The following BICDL1 variants were observed in gnomAD, a reference collection of about 807,000 sequenced individuals.
BICDL1 encodes BICD family like cargo adaptor 1, also known as BICD family-like cargo adapter 1.
In BICDL1, 20 loss-of-function variants were observed where a neutral mutation model predicts 76.8. The ratio of observed to expected loss-of-function variants is 0.26; its 90% confidence interval spans 0.18 to 0.38. The LOEUF (loss-of-function observed/expected upper bound fraction) is 0.38, where lower values mean the gene tolerates loss of function less well. Among genes scored for constraint, BICDL1 ranks in the 10% least tolerant of loss-of-function variants. The pLI, the probability that BICDL1 is intolerant of heterozygous loss-of-function variation, is 1.00. For missense variants in BICDL1, 700 were observed against 798.6 expected, an observed-to-expected ratio of 0.88 and a Z score of 1.49; for synonymous variants, 383 against 337.1, an observed-to-expected ratio of 1.14 and a Z score of -1.49.
At chr12:120,056,195 T>G (rs1361573165) in intron 2 of BICDL1, among the ~76,000 whole-genome samples, 1 of 152,236 alleles carries the variant, frequency 6.6e-6, no homozygotes, top group Non-Finnish European at 1.5e-5. Flanking sequence ...TTCAGTTTTC[T>G]TTACTTTTTT....
intron 1 of BICDL1, among the ~76,000 whole-genome samples, chr12:119,997,943 A>C (rs959296376): frequency 1.3e-5 from 2 of 152,108 alleles, no homozygotes; most frequent in African/African-American, 4.8e-5. Flanking sequence ...GTAAAACCCC[A>C]TCTCTACTGA....
chr12:120,025,809 T>G (rs1006824742), intron 2 of BICDL1, among the ~76,000 whole-genome samples: 24 of 152,294 alleles, frequency 1.6e-4, no homozygotes, highest in African/African-American at 4.8e-4. Context: ...TATATATTTC[T>G]ATATATACCA....
rs913424570 is a variant in BICDL1 at position 120,033,405 on chromosome 12, C to A, written c.646-28305C>A. On this transcript the variant is annotated intron_variant, in intron 2 of 9. Transcript: ENST00000548673. Reference sequence around the variant, plus strand: ...TTTTTTTTTGTGGGGGAGATGGAGTCTCACTCTGTCGTCCAGGCTGGAGTG... The same window carrying A: ...TTTTTTTTTGTGGGGGAGATGGAGTATCACTCTGTCGTCCAGGCTGGAGTG... Among the ~76,000 whole-genome samples, 15 of 83,944 alleles carry A rather than the reference C, an allele frequency of 1.8e-4. 1 individual carries two copies. The highest frequency in any genetic ancestry group is 1.1e-3 in the African/African-American group (14 of 12,516). The allele number at this position is 83,944 out of a possible 152,430, so 55.1% of individuals were successfully genotyped here.
intron 9 of BICDL1, chr12:120,090,309 C>T (rs996901706): frequency 2.0e-4 from 92 of 457,442 alleles, no homozygotes; most frequent in African/African-American, 1.6e-3. Flanking sequence ...GTAGTGATCT[C>T]CAGACTTGGA....
chr12:120,033,890 C>A (rs899204939), intron 2 of BICDL1, among the ~76,000 whole-genome samples: 1 of 152,144 alleles, frequency 6.6e-6, no homozygotes, highest in African/African-American at 2.4e-5. Flanking sequence ...CCTCTGTCAC[C>A]AGTGCTGAGA....
chr12:120,032,020 A>G (rs925370270), intron 2 of BICDL1, among the ~76,000 whole-genome samples: 3 of 152,124 alleles, frequency 2.0e-5, no homozygotes, highest in South Asian at 2.1e-4. Flanking sequence ...TGAGCCCAGG[A>G]GTTTGAGGCT....
intron 9 of BICDL1, 58 bp from the exon 10 acceptor site, chr12:120,092,942 C>T: frequency 2.0e-6 from 3 of 1,494,546 alleles, no homozygotes; most frequent in Non-Finnish European, 2.7e-6. Context: ...CCTGTCCAGC[C>T]CCAGGGTTAG....
At chr12:120,053,936 G>A (rs951732621) in intron 2 of BICDL1, among the ~76,000 whole-genome samples, 2 of 152,092 alleles carry the variant, frequency 1.3e-5, no homozygotes, top group African/African-American at 4.8e-5. Context: ...ACTTTGAGGG[G>A]CCAAGGTGGG....
Position 120,061,767 on chromosome 12 carries a change from C to T in BICDL1, c.703C>T (p.Arg235Trp), listed in dbSNP as rs779640650. ...MQVHALREDF[R>W]EKNSSTNQHI... ...GGTCCACGCCCTCAGAGAAGACTTT[C>T]GGGAGAAAAACTCATCAACCAACCA... is the stretch of plus-strand genomic sequence containing the variant. The change falls in exon 3 of 10, where the codon CGG (arginine) becomes TGG (tryptophan). Residue 235 changes from arginine to tryptophan, a missense_variant. Physicochemically the swap from Arg to Trp is moderately radical, Grantham distance 101. Transcript: ENST00000548673. 8.1e-6 allele frequency: 13 copies of T among 1,614,140 alleles called. No homozygotes were observed. Among genetic ancestry groups the T allele is most frequent in the Admixed American group, 5.0e-5 (3 of 60,030 alleles).
Position 119,989,868 on chromosome 12 carries a change from C to G in BICDL1, c.-1C>G. ...CGCTGCGGGCTCCGCGCGCGCGGGC[C>G]ATGTCCGCTTTCTGCCTGGGCTTGG... On this transcript the variant is annotated 5_prime_UTR_variant, in exon 1 of 10. Coordinates refer to ENST00000548673, the MANE Select transcript of BICDL1 (RefSeq NM_001367886.1). The G allele has an allele frequency of 7.1e-7, 1 of 1,402,022 alleles. No homozygotes were observed. Among genetic ancestry groups the G allele is most frequent in the Non-Finnish European group, 9.2e-7 (1 of 1,090,226 alleles). 86.8% of individuals were successfully genotyped at this position (1,402,022 alleles called of 1,614,324 possible).
chr12:120,038,198 C>G (rs2138792765), intron 2 of BICDL1, among the ~76,000 whole-genome samples: 1 of 152,294 alleles, frequency 6.6e-6, no homozygotes, highest in South Asian at 2.1e-4. Context: ...AACCCGTTTT[C>G]CATCAAGACA....
chr12:120,044,986 A>G (rs1191233992), intron 2 of BICDL1, among the ~76,000 whole-genome samples: 1 of 152,192 alleles, frequency 6.6e-6, no homozygotes, highest in African/African-American at 2.4e-5. Context: ...GAAACAGGCA[A>G]CCTACAAAAC....
chr12:120,004,013 T>G (rs182952424), intron 2 of BICDL1, among the ~76,000 whole-genome samples: 1 of 152,266 alleles, frequency 6.6e-6, no homozygotes, highest in East Asian at 1.9e-4. Flanking sequence ...TGGTCTGTAG[T>G]ATGGAGAAGG....
At chr12:120,017,153 C>A (rs1594119759) in intron 2 of BICDL1, among the ~76,000 whole-genome samples, 1 of 152,234 alleles carries the variant, frequency 6.6e-6, no homozygotes, top group Non-Finnish European at 1.5e-5. Flanking sequence ...GCCCTGGCCT[C>A]CCAAAGTGCT....
intron 2 of BICDL1, among the ~76,000 whole-genome samples, chr12:120,007,093 A>G (rs1951865156): frequency 6.6e-6 from 1 of 152,188 alleles, no homozygotes; most frequent in South Asian, 2.1e-4. Flanking sequence ...GAAAAAAAAT[A>G]ATCAAAAATG....
chr12:120,018,705 T>A (rs965839399), intron 2 of BICDL1, among the ~76,000 whole-genome samples: 1 of 138,310 alleles, frequency 7.2e-6, no homozygotes, highest in Non-Finnish European at 1.6e-5. Flanking sequence ...AAAAAAAAAA[T>A]CATACTATAT....
chr12:120,055,976 C>G (rs1952963330), intron 2 of BICDL1, among the ~76,000 whole-genome samples: 1 of 152,028 alleles, frequency 6.6e-6, no homozygotes, highest in Non-Finnish European at 1.5e-5. Context: ...TTTTTTGGAG[C>G]AATGTTCATA....
At chr12:120,001,610 A>G (rs983298238) in intron 2 of BICDL1, among the ~76,000 whole-genome samples, 2 of 152,204 alleles carry the variant, frequency 1.3e-5, no homozygotes, top group African/African-American at 4.8e-5. Context: ...TATAATATCT[A>G]AAATGTACAG....
chr12:120,058,358 A>G (rs1159609311), intron 2 of BICDL1, among the ~76,000 whole-genome samples: 4 of 152,178 alleles, frequency 2.6e-5, no homozygotes, highest in African/African-American at 4.8e-5. Flanking sequence ...GGAGCATTTT[A>G]TACCAGCTGG....
Sources: allele counts gnomAD v4.1 joint callset (sites outside exome capture counted in the v4.1 genomes callset), GRCh38; gene constraint gnomAD v4.1.1; transcripts MANE v1.5; gene names NCBI Gene and HGNC (gene_info 2026-07-23, HGNC 2026-07-21).